Variants in FILIP1L observed in about 807,000 individuals in gnomAD.
FILIP1L encodes the protein filamin A-interacting protein 1-like.
Under a neutral mutation model 96.6 loss-of-function variants are expected in FILIP1L, and 55 were observed. That is an observed-to-expected ratio of 0.57 (90% CI 0.46 to 0.71). FILIP1L has a LOEUF of 0.71. Ranked by LOEUF, FILIP1L falls within the 30% of genes least tolerant of loss-of-function variation. FILIP1L has a pLI of 0.00. For synonymous variants in FILIP1L, 467 were observed against 473.9 expected, an observed-to-expected ratio of 0.99 and a Z score of 0.19; for missense variants, 1,304 against 1,321.2, an observed-to-expected ratio of 0.99 and a Z score of 0.20.
At chr3:100,092,619 A>G (rs990609008) in intron 1 of FILIP1L, among the ~76,000 whole-genome samples, 4 of 149,390 alleles carry the variant, frequency 2.7e-5, no homozygotes, top group Non-Finnish European at 4.4e-5. Flanking sequence ...AAATGAGTCA[A>G]TGCATGTTAA....
chr3:99,932,013 T>C (rs1707496849), intron 1 of FILIP1L, among the ~76,000 whole-genome samples: 1 of 152,162 alleles, frequency 6.6e-6, no homozygotes, highest in Non-Finnish European at 1.5e-5. Flanking sequence ...TCTTTAAAAA[T>C]CTGAAAAACT....
At chr3:100,077,389 C>T (rs2065866673) in intron 1 of FILIP1L, among the ~76,000 whole-genome samples, 1 of 152,168 alleles carries the variant, frequency 6.6e-6, no homozygotes, top group Admixed American at 6.5e-5. Context: ...TGTTTCAGGA[C>T]AGCAACCAGT....
At chr3:99,916,454 AC>A (rs1706955989) in intron 4 of FILIP1L, among the ~76,000 whole-genome samples, 3 of 148,762 alleles carry the variant, frequency 2.0e-5, no homozygotes, top group Admixed American at 6.7e-5. Flanking sequence ...ACACACACAC[AC>A]ACACACACAC....
At chr3:99,919,080 A>T (rs2107648208) in intron 4 of FILIP1L, among the ~76,000 whole-genome samples, 1 of 152,296 alleles carries the variant, frequency 6.6e-6, no homozygotes, top group South Asian at 2.1e-4. Context: ...TTAAAGCTTT[A>T]TACCCACTGT....
intron 1 of FILIP1L, among the ~76,000 whole-genome samples, chr3:100,071,447 A>G (rs2065761717): frequency 6.6e-6 from 1 of 152,160 alleles, no homozygotes; most frequent in South Asian, 2.1e-4. Context: ...AGACAGTCAA[A>G]GTAGATACTG....
Position 99,959,943 on chromosome 3 carries a change from A to G in FILIP1L, c.-10-28913T>C, listed in dbSNP as rs144643666. Among the ~76,000 whole-genome samples the G allele has an allele frequency of 1.1e-4, 17 of 152,300 alleles. No homozygotes were observed. In the East Asian group the frequency reaches 3.3e-3, roughly 29 times the overall value. ...AAGGAGATGCATTCAATGCATTCAG[A>G]TGGCTAACATCTGTCACTTGCAGAA... is the stretch of plus-strand genomic sequence containing the variant. On this transcript the variant is annotated intron_variant, in intron 1 of 5. Transcript: ENST00000477258.
chr3:100,015,240 C>T (rs1710307598), intron 1 of FILIP1L, among the ~76,000 whole-genome samples: 1 of 151,854 alleles, frequency 6.6e-6, no homozygotes, highest in Admixed American at 6.6e-5. Flanking sequence ...CTGTTATGTT[C>T]CCTTGGATTA....
At chr3:99,894,418 T>C (rs1706185252) in intron 4 of FILIP1L, among the ~76,000 whole-genome samples, 1 of 152,226 alleles carries the variant, frequency 6.6e-6, no homozygotes, top group Non-Finnish European at 1.5e-5. Context: ...TGTGTGCTGG[T>C]GTGCTATTTT....
chr3:100,102,201 C>T (rs2066320822), intron 1 of FILIP1L, among the ~76,000 whole-genome samples: 1 of 152,220 alleles, frequency 6.6e-6, no homozygotes, highest in African/African-American at 2.4e-5. Flanking sequence ...ACCACACCGA[C>T]TTCCACAATG....
chr3:99,962,300 A>G (rs576172895), intron 1 of FILIP1L, among the ~76,000 whole-genome samples: 6 of 152,284 alleles, frequency 3.9e-5, no homozygotes, highest in African/African-American at 1.4e-4. Context: ...ATGAGGTCGC[A>G]TGTGATGGGA....
At chr3:99,948,497 TTA>T in intron 1 of FILIP1L, among the ~76,000 whole-genome samples, 1 of 147,794 alleles carries the variant, frequency 6.8e-6, no homozygotes, top group East Asian at 2.0e-4. Flanking sequence ...TGAGCCATGA[TTA>T]TATCATCACT....
intron 1 of FILIP1L, among the ~76,000 whole-genome samples, chr3:99,946,972 T>TA (rs1245716089): frequency 6.6e-6 from 1 of 151,532 alleles, no homozygotes; most frequent in South Asian, 2.1e-4. Context: ...CCGCCTCTAC[T>TA]AAAAAAATAC....
intron 1 of FILIP1L, among the ~76,000 whole-genome samples, chr3:100,037,374 A>G (rs1559734927): frequency 6.6e-6 from 1 of 152,166 alleles, no homozygotes; most frequent in African/African-American, 2.4e-5. Context: ...AGGGTAAAAG[A>G]TTTTTTGTAG....
chr3:99,883,445 A>G (rs1441489537), intron 4 of FILIP1L, among the ~76,000 whole-genome samples: 1 of 152,238 alleles, frequency 6.6e-6, no homozygotes, highest in Non-Finnish European at 1.5e-5. Flanking sequence ...CTTAGAATGA[A>G]CAGATTATTT....
intron 1 of FILIP1L, among the ~76,000 whole-genome samples, chr3:100,072,643 A>C (rs1178375765): frequency 6.6e-6 from 1 of 152,228 alleles, no homozygotes; most frequent in Non-Finnish European, 1.5e-5. Flanking sequence ...TGCAACAATT[A>C]GGAAATCTTT....
At chr3:99,978,792 C>T (rs965970148) in intron 1 of FILIP1L, among the ~76,000 whole-genome samples, 5 of 151,782 alleles carry the variant, frequency 3.3e-5, no homozygotes, top group African/African-American at 7.3e-5. Flanking sequence ...GGCTGAGGCA[C>T]GAGAGTCACT....
chr3:100,009,003 G>A (rs1203976709), intron 1 of FILIP1L, among the ~76,000 whole-genome samples: 1 of 152,144 alleles, frequency 6.6e-6, no homozygotes, highest in African/African-American at 2.4e-5. Context: ...GATAGTTTTA[G>A]CCTCAACATC....
At chr3:99,883,348 A>G (rs1705790953) in intron 4 of FILIP1L, among the ~76,000 whole-genome samples, 1 of 152,186 alleles carries the variant, frequency 6.6e-6, no homozygotes, top group Non-Finnish European at 1.5e-5. Flanking sequence ...AGTCTTTTAA[A>G]TATTTGAAAA....
At chr3:99,897,187 A>G (rs531759969) in intron 4 of FILIP1L, among the ~76,000 whole-genome samples, 4 of 152,078 alleles carry the variant, frequency 2.6e-5, no homozygotes, top group Middle Eastern at 3.4e-3. Context: ...AGTGAAACCC[A>G]ATCTCTACTA....
Sources: allele counts gnomAD v4.1 joint callset (sites outside exome capture counted in the v4.1 genomes callset), GRCh38; gene constraint gnomAD v4.1.1; transcripts MANE v1.5; gene names NCBI Gene and HGNC (gene_info 2026-07-23, HGNC 2026-07-21).